Variants in ZNF804B observed in about 807,000 individuals in gnomAD.
ZNF804B encodes the protein zinc finger protein 804B.
ZNF804B carries 80 observed loss-of-function variants against 101.4 expected under a neutral mutation model. That is an observed-to-expected ratio of 0.79 (90% confidence interval 0.66 to 0.95). The LOEUF (loss-of-function observed/expected upper bound fraction) is 0.95, where lower values mean the gene tolerates loss of function less well. Among genes scored for constraint, ZNF804B ranks in the 40% least tolerant of loss-of-function variants. The probability of loss-of-function intolerance (pLI) is 0.00; values close to 1 mark genes in which losing one functional copy is unlikely to be tolerated. For synonymous variants in ZNF804B, 622 were observed against 558.8 expected, an observed-to-expected ratio of 1.11 and a Z score of -1.59; for missense variants, 1,673 against 1,561.9, an observed-to-expected ratio of 1.07 and a Z score of -1.20.
At chr7:88,921,255 C>CA (rs1211887219) in intron 1 of ZNF804B, among the ~76,000 whole-genome samples, 1 of 151,822 alleles carries the variant, frequency 6.6e-6, no homozygotes, top group Non-Finnish European at 1.5e-5. Context: ...TGAGTTAAGA[C>CA]AAAAAACTGG....
At chr7:89,084,912 G>C (rs1415058847) in intron 1 of ZNF804B, among the ~76,000 whole-genome samples, 1 of 151,470 alleles carries the variant, frequency 6.6e-6, no homozygotes, top group East Asian at 1.9e-4. Context: ...AAAATACTAT[G>C]GTGAAAAACT....
chr7:89,098,897 C>G (rs893566672), intron 1 of ZNF804B, among the ~76,000 whole-genome samples: 1 of 151,588 alleles, frequency 6.6e-6, no homozygotes, highest in African/African-American at 2.4e-5. Flanking sequence ...TATTTTTATA[C>G]CTGGTCATAA....
rs532555963 is a variant in ZNF804B at position 89,103,780 on chromosome 7, G to T, written c.109-114375G>T. On this transcript the variant is annotated intron_variant, in intron 1 of 3. Coordinates refer to ENST00000333190, the MANE Select transcript of ZNF804B (RefSeq NM_181646.5). Reference sequence around the variant, plus strand: ...TCCATTATTATGTTAAATAGGAGTGGTGAGAGCAAACATAATTGTCTTGTT... The same window carrying T: ...TCCATTATTATGTTAAATAGGAGTGTTGAGAGCAAACATAATTGTCTTGTT... Among the ~76,000 whole-genome samples, 3 of 152,000 alleles carry T rather than the reference G, an allele frequency of 2.0e-5. No homozygotes were observed. The South Asian group carries it at 6.2e-4, about 32-fold the overall frequency.
At chr7:89,261,483 C>T (rs1789711782) in intron 2 of ZNF804B, among the ~76,000 whole-genome samples, 1 of 152,086 alleles carries the variant, frequency 6.6e-6, no homozygotes, top group African/African-American at 2.4e-5. Flanking sequence ...GTGACCTGTG[C>T]AGTCCAAATC....
intron 2 of ZNF804B, among the ~76,000 whole-genome samples, chr7:89,291,522 T>A (rs1041102989): frequency 6.6e-6 from 1 of 151,902 alleles, no homozygotes; most frequent in African/African-American, 2.4e-5. Flanking sequence ...ATATCAGAAT[T>A]GATCAAACAG....
intron 1 of ZNF804B, among the ~76,000 whole-genome samples, chr7:88,907,953 A>G (rs999134279): frequency 1.7e-4 from 26 of 151,960 alleles, no homozygotes; most frequent in Non-Finnish European, 2.2e-4. Flanking sequence ...CTGGGACTAC[A>G]TGCAAAAACA....
At chr7:89,211,747 C>G (rs1297595761) in intron 1 of ZNF804B, among the ~76,000 whole-genome samples, 2 of 152,102 alleles carry the variant, frequency 1.3e-5, no homozygotes, top group Non-Finnish European at 2.9e-5. Flanking sequence ...GTTACTGTAG[C>G]CTTGTAGTAT....
rs191767560 is a variant in ZNF804B, at chr7:89,031,458, A to G, written c.109-186697A>G. ...GGGAACATTTTTCTCTCAGTCTCCA[A>G]AAAGCTTGTCACAAGGTAGAAGACA... On this transcript the variant is annotated intron_variant, in intron 1 of 3. Transcript: ENST00000333190. 2.5e-3 allele frequency among the ~76,000 whole-genome samples: 387 copies of G among 152,154 alleles called. 1 individual carries two copies. The highest frequency in any genetic ancestry group is 4.0e-3 in the Non-Finnish European group (272 of 67,988).
chr7:89,247,415 C>T (rs1371622082), intron 2 of ZNF804B, among the ~76,000 whole-genome samples: 1 of 152,184 alleles, frequency 6.6e-6, no homozygotes, highest in African/African-American at 2.4e-5. Context: ...TAACTATAAG[C>T]ACCATCTACT....
intron 1 of ZNF804B, among the ~76,000 whole-genome samples, chr7:88,937,254 C>T (rs929651536): frequency 2.9e-4 from 44 of 152,144 alleles, no homozygotes; most frequent in African/African-American, 9.9e-4. Flanking sequence ...CGCTGGCATT[C>T]TGGCATTAGA....
intron 1 of ZNF804B, among the ~76,000 whole-genome samples, chr7:89,136,776 TG>T (rs1790643851): frequency 1.3e-5 from 2 of 151,962 alleles, no homozygotes; most frequent in East Asian, 3.9e-4. Context: ...CGCGCACGTG[TG>T]TGATGATTTG....
At chr7:89,072,541 T>C (rs1236992713) in intron 1 of ZNF804B, among the ~76,000 whole-genome samples, 1 of 152,180 alleles carries the variant, frequency 6.6e-6, no homozygotes, top group African/African-American at 2.4e-5. Flanking sequence ...AAGTTGGGGC[T>C]ACTGCCTCAG....
At position 88,890,784 on chromosome 7, in the gene ZNF804B, A is replaced by G. The variant is rs142761389; in HGVS notation, c.108+130700A>G. ...TATCCCACTGTATAAAATGTAACAC[A>G]ATTTATTCATTTTATTATAAATAAC... On this transcript the variant is annotated intron_variant, in intron 1 of 3. Coordinates refer to ENST00000333190, the MANE Select transcript of ZNF804B (RefSeq NM_181646.5). Among the ~76,000 whole-genome samples, 340 of 152,230 alleles carry G rather than the reference A, an allele frequency of 2.2e-3. 1 individual carries two copies. The highest frequency in any genetic ancestry group is 2.5e-3 in the Non-Finnish European group (170 of 67,982).
At position 89,336,577 on chromosome 7, in the gene ZNF804B, C is replaced by A; in HGVS notation, c.3595C>A (p.Pro1199Thr). The change falls in exon 4 of 4, where the codon CCA (proline) becomes ACA (threonine). Residue 1199 changes from proline (P) to threonine (T), a missense_variant. Pro to Thr is a conservative substitution (Grantham distance 38, BLOSUM62 -1). Coordinates refer to ENST00000333190, the MANE Select transcript of ZNF804B (RefSeq NM_181646.5). ...TCCGGCCTCAACCGTACAGACAGTT[C>A]CAGTTCACCAGCACACTTCTATCAC... ...FSPASTVQTV[P>T]VHQHTSITTI... The A allele has an allele frequency of 6.2e-7, 1 of 1,614,126 alleles. No individual in the cohort carries two copies. Among genetic ancestry groups the A allele is most frequent in the Non-Finnish European group, 8.5e-7 (1 of 1,180,012 alleles).
At chr7:89,132,348 G>A (rs756293408) in intron 1 of ZNF804B, among the ~76,000 whole-genome samples, 2 of 151,974 alleles carry the variant, frequency 1.3e-5, no homozygotes, top group Non-Finnish European at 2.9e-5. Flanking sequence ...CTATCTTGAA[G>A]TGTGCCTTGA....
intron 2 of ZNF804B, among the ~76,000 whole-genome samples, chr7:89,295,116 A>G (rs1490914638): frequency 1.3e-5 from 2 of 152,108 alleles, no homozygotes; most frequent in Non-Finnish European, 2.9e-5. Context: ...CTGCAATTAT[A>G]TGAGCACCCT....
rs546117044 is a variant in ZNF804B at position 89,335,925 on chromosome 7, A to T, written c.2943A>T (p.Glu981Asp). ...GCNRQALPLS[E>D]KIQYASESRN... ...ACAGACAAGCATTGCCTTTGTCTGA[A>T]AAAATACAGTATGCAAGTGAGAGCA... The change falls in exon 4 of 4, where the codon GAA becomes GAT. Residue 981 changes from glutamate (E) to aspartate (D), a missense_variant. Physicochemically the swap from Glu to Asp is conservative, Grantham distance 45. Coordinates refer to ENST00000333190, the MANE Select transcript of ZNF804B (RefSeq NM_181646.5). 6.0e-5 allele frequency: 97 copies of T among 1,614,112 alleles called. No individual in the cohort carries two copies. The South Asian group carries it at 1.0e-3, about 17-fold the overall frequency.
intron 1 of ZNF804B, among the ~76,000 whole-genome samples, chr7:88,815,469 A>G (rs1230441111): frequency 6.7e-6 from 1 of 149,620 alleles, no homozygotes; most frequent in African/African-American, 2.4e-5. Context: ...TAGGTATGTT[A>G]TTAGAATATA....
chr7:89,198,490 GA>G (rs1207945101), intron 1 of ZNF804B, among the ~76,000 whole-genome samples: 2 of 151,764 alleles, frequency 1.3e-5, no homozygotes, highest in Non-Finnish European at 2.9e-5. Flanking sequence ...TGCAATTAGT[GA>G]AAAACACTAT....
Sources: gnomAD v4.1 joint callset for allele counts (sites outside exome capture counted in the v4.1 genomes callset) on GRCh38, gnomAD v4.1.1 for gene constraint, MANE v1.5 for transcripts, NCBI Gene and HGNC (gene_info 2026-07-23, HGNC 2026-07-21) for gene names.